The following CPNE4 variants were observed in gnomAD, a reference collection of about 807,000 sequenced individuals.
CPNE4 encodes copine 4, also known as copine-4.
Under a neutral mutation model 67.9 loss-of-function variants are expected in CPNE4, and 25 were observed. The observed-to-expected ratio is 0.37, with a 90% CI of 0.27 to 0.51. CPNE4 has a LOEUF of 0.51. CPNE4 is among the 20% of genes least tolerant of loss of function. The probability of loss-of-function intolerance (pLI) is 0.93; values close to 1 mark genes in which losing one functional copy is unlikely to be tolerated. For synonymous variants in CPNE4, 242 were observed against 244.9 expected (o/e 0.99, Z 0.11); for missense variants, 464 against 690.8 (o/e 0.67, Z 3.68).
intron 1 of CPNE4, among the ~76,000 whole-genome samples, chr3:131,976,982 A>T (rs1384960464): frequency 6.6e-6 from 1 of 151,834 alleles, no homozygotes; most frequent in Non-Finnish European, 1.5e-5. Flanking sequence ...TTGTATTTTT[A>T]GTAGAGATGG....
At chr3:131,675,324 C>T (rs936501890) in intron 6 of CPNE4, among the ~76,000 whole-genome samples, 2 of 152,048 alleles carry the variant, frequency 1.3e-5, no homozygotes, top group Non-Finnish European at 2.9e-5. Context: ...TCTATTAGGT[C>T]CATTTGGCCT....
chr3:132,022,381 C>G (rs1159826375), intron 1 of CPNE4, among the ~76,000 whole-genome samples: 1 of 152,184 alleles, frequency 6.6e-6, no homozygotes, highest in Non-Finnish European at 1.5e-5. Context: ...TAACTCACAA[C>G]TTCTTAAAGA....
At chr3:131,788,119 G>A (rs2083614665) in intron 2 of CPNE4, among the ~76,000 whole-genome samples, 1 of 151,852 alleles carries the variant, frequency 6.6e-6, no homozygotes, top group Non-Finnish European at 1.5e-5. Context: ...AGCAAATGAG[G>A]AGCCTACAAA....
intron 2 of CPNE4, among the ~76,000 whole-genome samples, chr3:131,791,627 G>A (rs2083724072): frequency 6.6e-6 from 1 of 152,146 alleles, no homozygotes; most frequent in Admixed American, 6.6e-5. Context: ...TTCTTAGGCA[G>A]TTCAATTTTA....
At chr3:131,543,833 C>T (rs1242813322) in intron 14 of CPNE4, among the ~76,000 whole-genome samples, 4 of 152,220 alleles carry the variant, frequency 2.6e-5, no homozygotes, top group African/African-American at 9.6e-5. Context: ...GGTGGCAGCT[C>T]TTCTCCAGGC....
chr3:131,927,854 T>C (rs977131339), intron 1 of CPNE4, among the ~76,000 whole-genome samples: 3 of 152,170 alleles, frequency 2.0e-5, no homozygotes, highest in Non-Finnish European at 4.4e-5. Context: ...AGAACACTCA[T>C]TCAAGGACAA....
At chr3:131,690,883 A>T (rs1433275822) in intron 5 of CPNE4, among the ~76,000 whole-genome samples, 1 of 152,208 alleles carries the variant, frequency 6.6e-6, no homozygotes, top group Admixed American at 6.6e-5. Flanking sequence ...CCCGTTAAAA[A>T]TTGGGCAAAG....
chr3:131,913,193 C>T (rs768370427), intron 1 of CPNE4, among the ~76,000 whole-genome samples: 1 of 152,030 alleles, frequency 6.6e-6, no homozygotes, highest in East Asian at 1.9e-4. Flanking sequence ...CACACTGTCT[C>T]TCTAAAATAA....
At chr3:131,942,262 T>A (rs890776596) in intron 1 of CPNE4, among the ~76,000 whole-genome samples, 6 of 152,026 alleles carry the variant, frequency 3.9e-5, no homozygotes, top group African/African-American at 1.4e-4. Context: ...TAATTTATAA[T>A]TTAAAAAATT....
At chr3:131,655,075 T>C (rs1262391424) in intron 7 of CPNE4, among the ~76,000 whole-genome samples, 1 of 152,206 alleles carries the variant, frequency 6.6e-6, no homozygotes, top group African/African-American at 2.4e-5. Context: ...TGGATGCAGA[T>C]ATAGAGAAAT....
At position 131,897,912 on chromosome 3, in the gene CPNE4, G is replaced by A. The variant is rs541029481; in HGVS notation, c.180+7352C>T. On this transcript the variant is annotated intron_variant, in intron 2 of 15. Transcript: ENST00000429747. ...CTGTCTCTTAAAGAAAAAAAAAGAGGATGGAAAAAATAAAATAAAATATAG... is the reference window on the plus strand; with the variant it reads ...CTGTCTCTTAAAGAAAAAAAAAGAGAATGGAAAAAATAAAATAAAATATAG... Among the ~76,000 whole-genome samples the A allele has an allele frequency of 3.3e-5, 5 of 151,684 alleles. No homozygotes were observed. In the South Asian group the frequency reaches 6.2e-4, roughly 19 times the overall value.
At chr3:131,944,410 G>A (rs192933015) in intron 1 of CPNE4, among the ~76,000 whole-genome samples, 3 of 152,200 alleles carry the variant, frequency 2.0e-5, no homozygotes, top group Admixed American at 6.5e-5. Flanking sequence ...GTGAGAGGCT[G>A]CAGGTGCTGC....
At chr3:131,626,789 G>T (rs2079084641) in intron 7 of CPNE4, among the ~76,000 whole-genome samples, 1 of 152,168 alleles carries the variant, frequency 6.6e-6, no homozygotes, top group African/African-American at 2.4e-5. Context: ...TAGCTAGAGA[G>T]GAGAAGTCAA....
intron 1 of CPNE4, among the ~76,000 whole-genome samples, chr3:132,013,827 G>A (rs924667267): frequency 1.3e-5 from 2 of 152,086 alleles, no homozygotes; most frequent in African/African-American, 2.4e-5. Flanking sequence ...TGTATATCTT[G>A]CCCAAAACAA....
intron 7 of CPNE4, among the ~76,000 whole-genome samples, chr3:131,607,532 C>T (rs909273795): frequency 6.6e-6 from 1 of 152,146 alleles, no homozygotes; most frequent in Non-Finnish European, 1.5e-5. Context: ...TTCTGGCTAT[C>T]ATAACATTCA....
At chr3:132,010,295 A>G (rs1431407672) in intron 1 of CPNE4, among the ~76,000 whole-genome samples, 1 of 152,222 alleles carries the variant, frequency 6.6e-6, no homozygotes, top group African/African-American at 2.4e-5. Flanking sequence ...CTCTACACAC[A>G]GCTACAAATA....
At chr3:131,723,414 C>A in intron 3 of CPNE4, 32 bp downstream of exon 3, 1 of 1,600,254 alleles carries the variant, frequency 6.2e-7, no homozygotes, top group Non-Finnish European at 8.5e-7. Context: ...CCTAGGATGG[C>A]AAGGAGGAGG....
chr3:131,766,816 G>C (rs1333670154), intron 2 of CPNE4, among the ~76,000 whole-genome samples: 3 of 152,058 alleles, frequency 2.0e-5, no homozygotes. Context: ...AGTTTTCACA[G>C]TTTTGTTCAT....
chr3:131,820,260 G>A lies in CPNE4; in HGVS notation c.180+85004C>T, dbSNP rs1050052213. ...GGGAAACAAGCAAGGTTGGGCAGTA[G>A]GAGAAGTTGTGCTGTGATGACAGCC... On this transcript the variant is annotated intron_variant, in intron 2 of 15. Coordinates refer to ENST00000429747, the MANE Select transcript of CPNE4 (RefSeq NM_130808.3). Among the ~76,000 whole-genome samples the A allele has an allele frequency of 2.0e-4, 30 of 152,226 alleles. 1 individual carries two copies. Among genetic ancestry groups the A allele is most frequent in the Admixed American group, 1.8e-3 (27 of 15,286 alleles).
Sources: allele counts gnomAD v4.1 joint callset (sites outside exome capture counted in the v4.1 genomes callset), GRCh38; gene constraint gnomAD v4.1.1; transcripts MANE v1.5; gene names NCBI Gene and HGNC (gene_info 2026-07-23, HGNC 2026-07-21).